Variants in SCN3B observed in about 807,000 individuals in gnomAD.
SCN3B encodes the protein sodium channel regulatory subunit beta-3.
A neutral mutation model predicts 25.4 loss-of-function variants in SCN3B; 11 were observed. The ratio of observed to expected loss-of-function variants is 0.43; its 90% CI spans 0.27 to 0.72. The LOEUF is 0.72. Among genes scored for constraint, SCN3B ranks in the 30% least tolerant of loss-of-function variants. The pLI is 0.18. For synonymous variants in SCN3B, 109 were observed against 110.7 expected (o/e 0.99, Z 0.09); for missense variants, 218 against 278.3 (o/e 0.78, Z 1.54).
intron 4 of SCN3B, chr11:123,640,426 G>C (rs989157190): frequency 6.6e-6 from 1 of 151,770 alleles, no homozygotes; most frequent in Non-Finnish European, 1.5e-5. Context: ...CACAGGAATG[G>C]AGGAGATGTG....
intron 3 of SCN3B, among the ~76,000 whole-genome samples, chr11:123,643,460 G>T (rs1161961364): frequency 6.6e-6 from 1 of 152,192 alleles, no homozygotes. Context: ...GTCTCCACTA[G>T]CCACATGTAG....
intron 2 of SCN3B, among the ~76,000 whole-genome samples, chr11:123,650,191 C>T (rs1287859069): frequency 7.0e-6 from 1 of 141,886 alleles, no homozygotes; most frequent in Non-Finnish European, 1.6e-5. Context: ...GAAGGAAAAA[C>T]ATGATTATTA....
chr11:123,650,272 C>A (rs950233509), intron 2 of SCN3B, among the ~76,000 whole-genome samples: 2 of 152,160 alleles, frequency 1.3e-5, no homozygotes, highest in Non-Finnish European at 2.9e-5. Flanking sequence ...GAATTATGAA[C>A]CAGCTTCTCT....
rs767843514 is a variant in SCN3B at position 123,638,186 on chromosome 11, G to A, written c.584C>T (p.Ala195Val). The change falls in exon 5 of 7, where the codon GCG becomes GTG. Residue 195 changes from alanine to valine, a missense_variant and splice_region_variant. By Grantham distance (64) the Ala-to-Val change is moderately conservative (BLOSUM62 0). Coordinates refer to ENST00000299333, the MANE Select transcript of SCN3B (RefSeq NM_001040151.2). ...SKAEEAAQEN[A>V]SDYLAIPSEN... ...ATTACTTTGGCATCTCTGGACTTACGCGTTTTCTTGGGCTGCCTCTTCGGC... is the reference window on the plus strand; with the variant it reads ...ATTACTTTGGCATCTCTGGACTTACACGTTTTCTTGGGCTGCCTCTTCGGC... 8.7e-6 allele frequency: 14 copies of A among 1,613,898 alleles called. No homozygotes were observed. Among genetic ancestry groups the A allele is most frequent in the South Asian group, 1.1e-5 (1 of 91,078 alleles).
intron 2 of SCN3B, among the ~76,000 whole-genome samples, chr11:123,648,003 A>T (rs1297153836): frequency 6.6e-6 from 1 of 152,208 alleles, no homozygotes; most frequent in African/African-American, 2.4e-5. Context: ...TCAGCATATG[A>T]TGAGTCTGAA....
At chr11:123,643,062 A>G (rs527445543) in intron 3 of SCN3B, among the ~76,000 whole-genome samples, 2 of 152,210 alleles carry the variant, frequency 1.3e-5, no homozygotes, top group East Asian at 1.9e-4. Context: ...AAAGATAGAG[A>G]GAACAAGAGA....
At chr11:123,645,841 G>C in intron 2 of SCN3B, 91 bp from the exon 3 acceptor site, 8 of 1,415,474 alleles carry the variant, frequency 5.7e-6, no homozygotes, top group Non-Finnish European at 7.9e-6. Flanking sequence ...AGGGAGGGAA[G>C]AGAGACAGAG....
intron 2 of SCN3B, among the ~76,000 whole-genome samples, chr11:123,650,423 G>T (rs1194840968): frequency 6.6e-6 from 1 of 152,162 alleles, no homozygotes; most frequent in African/African-American, 2.4e-5. Flanking sequence ...AATAAATGAG[G>T]TTATTTTTAG....
At chr11:123,644,777 G>C (rs1290112772) in intron 3 of SCN3B, among the ~76,000 whole-genome samples, 2 of 97,174 alleles carry the variant, frequency 2.1e-5, no homozygotes, top group African/African-American at 3.9e-5. Flanking sequence ...GAGAGAGAGA[G>C]AGAGAGAGAG....
intron 4 of SCN3B, 78 bp from the exon 5 acceptor site, chr11:123,638,402 A>G: frequency 1.3e-6 from 2 of 1,568,934 alleles, no homozygotes; most frequent in Non-Finnish European, 8.7e-7. Flanking sequence ...ATTTTTAAGT[A>G]CAGCTTAAAT....
chr11:123,642,425 G>A lies in SCN3B; in HGVS notation c.445+21C>T, dbSNP rs770348120. ...TCCACAGAGAGCAGGACGCCCTAGA[G>A]ACCCTGTGCCTCAGCCTCACCCTCC... On this transcript the variant is annotated intron_variant, in intron 4 of 6. Transcript: ENST00000299333. This position sits in a 1 kb window ranked among gnomAD's most constrained non-coding sequence, Gnocchi z 4.3. The A allele has an allele frequency of 1.2e-6, 2 of 1,612,040 alleles. No homozygotes were observed. The highest frequency in any genetic ancestry group is 1.7e-5 in the Admixed American group (1 of 60,014).
At chr11:123,652,932 C>T (rs1955943933) in intron 2 of SCN3B, among the ~76,000 whole-genome samples, 2 of 152,160 alleles carry the variant, frequency 1.3e-5, no homozygotes, top group South Asian at 4.1e-4. Flanking sequence ...AGATCAATCC[C>T]CTTTACACAC....
intron 5 of SCN3B, among the ~76,000 whole-genome samples, chr11:123,634,764 G>A (rs1211053895): frequency 6.6e-6 from 1 of 152,218 alleles, no homozygotes; most frequent in African/African-American, 2.4e-5. Flanking sequence ...AATGACAGCT[G>A]TGAAATTATA....
intron 2 of SCN3B, among the ~76,000 whole-genome samples, chr11:123,647,678 A>G (rs188582823): frequency 6.6e-6 from 1 of 152,346 alleles, no homozygotes; most frequent in East Asian, 1.9e-4. Flanking sequence ...GTTCTTTCCT[A>G]AAAGCAGAGG....
chr11:123,646,447 G>A (rs1003263647), intron 2 of SCN3B, among the ~76,000 whole-genome samples: 1 of 152,222 alleles, frequency 6.6e-6, no homozygotes, highest in Admixed American at 6.5e-5. Context: ...GTCGTGGAGA[G>A]ATGTAATTGT....
At chr11:123,647,443 A>C (rs1049310989) in intron 2 of SCN3B, among the ~76,000 whole-genome samples, 1 of 152,198 alleles carries the variant, frequency 6.6e-6, no homozygotes, top group African/African-American at 2.4e-5. Flanking sequence ...GCACCACTGC[A>C]CTCCAGACTG....
intron 2 of SCN3B, among the ~76,000 whole-genome samples, 154 bp from the exon 3 acceptor site, chr11:123,645,904 C>T (rs1032488158): frequency 3.9e-5 from 6 of 152,204 alleles, no homozygotes; most frequent in African/African-American, 1.4e-4. Context: ...ATGTCTACAC[C>T]TTCACCTGCG....
Position 123,644,794 on chromosome 11 carries a change from AGAGAGAATATATATATATATATAT to A in SCN3B, c.219+769_219+792del, listed in dbSNP as rs1250199208. The stretch of plus-strand genomic sequence containing the variant: ...GAGAGAGAGAGAGAGAGAGAGAGAG[AGAGAGAATATATATATATATATAT>A]ATATATATATATATATATATATACA... On this transcript the variant is annotated intron_variant, in intron 3 of 6. Coordinates refer to ENST00000299333, the MANE Select transcript of SCN3B (RefSeq NM_001040151.2). Among the ~76,000 whole-genome samples, 106 of 89,086 alleles carry A rather than the reference AGAGAGAATATATATATATATATAT, an allele frequency of 1.2e-3. 1 individual carries two copies. Among genetic ancestry groups the A allele is most frequent in the South Asian group, 6.9e-3 (14 of 2,040 alleles). 58.4% of individuals were successfully genotyped at this position (89,086 alleles called of 152,430 possible).
At chr11:123,645,975 A>T (rs1955849458) in intron 2 of SCN3B, among the ~76,000 whole-genome samples, 1 of 152,148 alleles carries the variant, frequency 6.6e-6, no homozygotes, top group Non-Finnish European at 1.5e-5. Flanking sequence ...TGATCTAGAC[A>T]TTGACTGAAA....
Sources: allele counts gnomAD v4.1 joint callset (sites outside exome capture counted in the v4.1 genomes callset), GRCh38; gene constraint gnomAD v4.1.1; non-coding constraint Gnocchi (gnomAD v3.1); transcripts MANE v1.5; gene names NCBI Gene and HGNC (gene_info 2026-07-23, HGNC 2026-07-21).